CARMIL2: variants seen among roughly 807,000 people sequenced by gnomAD.
CARMIL2 encodes capping protein, Arp2/3 and myosin-I linker protein 2.
In CARMIL2, 96 loss-of-function variants were observed where a neutral mutation model predicts 173.3. The ratio of observed to expected loss-of-function variants is 0.55; its 90% confidence interval spans 0.47 to 0.66. The LOEUF is 0.66. CARMIL2 is among the 30% of genes least tolerant of loss of function. The probability of loss-of-function intolerance (pLI) is 0.00; values close to 1 mark genes in which losing one functional copy is unlikely to be tolerated. For synonymous variants in CARMIL2, 830 were observed against 817.1 expected (o/e 1.02, Z -0.27); for missense variants, 1,771 against 1,906.7 (o/e 0.93, Z 1.33).
rs1243703220 is a variant in CARMIL2, at chr16:67,652,093, C to G, written c.2676+85C>G. 2.4e-5 allele frequency: 39 copies of G among 1,600,438 alleles called. No homozygotes were observed. The South Asian group carries it at 3.5e-4, about 14-fold the overall frequency. ...CTCCCTTGCAGGGGCTCTGTAATGT[C>G]TTCTGGGGTCATGTAGCCCAGGGCT... On this transcript the variant is annotated intron_variant, in intron 26 of 37. Transcript: ENST00000334583. The surrounding 1 kb of genome is among the most constrained non-coding windows in gnomAD (Gnocchi z 4.7).
Position 67,648,121 on chromosome 16 carries a change from C to CT in CARMIL2, c.1142dup (p.Asp382GlyfsTer149). ...GAATCTCGCAGGCACCGACACTGCC[C>CT]TGGACACTGTGAGGGGGTGCTCCGT... On this transcript the variant is annotated frameshift_variant, in exon 14 of 38. Transcript: ENST00000334583. LOFTEE classifies it high-confidence loss of function. The surrounding 1 kb of genome is among the most constrained non-coding windows in gnomAD (Gnocchi z 6.1). The CT allele has an allele frequency of 6.2e-7, 1 of 1,612,942 alleles. No homozygotes were observed. The highest frequency in any genetic ancestry group is 2.2e-5 in the East Asian group (1 of 44,830).
Position 67,657,061 on chromosome 16 carries a change from G to A in CARMIL2, c.4118-178G>A. ...CAGCAAGCCCTTCCAACTAGCACTG[G>A]CTCCACTTCCCGAAGAGCAGCCTCT... is the stretch of plus-strand genomic sequence containing the variant. On this transcript the variant is annotated intron_variant, in intron 36 of 37. Transcript: ENST00000334583. The surrounding 1 kb of genome is among the most constrained non-coding windows in gnomAD (Gnocchi z 4.5). The A allele has an allele frequency of 1.3e-6, 1 of 756,430 alleles. No individual in the cohort carries two copies. Among genetic ancestry groups the A allele is most frequent in the Non-Finnish European group, 2.2e-6 (1 of 459,592 alleles). The allele number at this position is 756,430 out of a possible 1,614,324, so 46.9% of individuals were successfully genotyped here.
rs376709220 is a variant in CARMIL2 at position 67,647,668 on chromosome 16, C to A, written c.872-12C>A. 1.1e-4 allele frequency: 176 copies of A among 1,599,838 alleles called. No individual in the cohort carries two copies. The highest frequency in any genetic ancestry group is 4.9e-5 in the Non-Finnish European group (58 of 1,174,240). ...GGAGGTGAGACCCACGTGGCTGTTC[C>A]CACCCCCCAAGGCATGACTGCACTC... is the stretch of plus-strand genomic sequence containing the variant. On this transcript the variant is annotated splice_polypyrimidine_tract_variant and intron_variant, in intron 11 of 37. Transcript: ENST00000334583.
intron 22 of CARMIL2, chr16:67,650,464 C>G (rs78586794): frequency 7.1e-6 from 3 of 424,760 alleles, no homozygotes; most frequent in Non-Finnish European, 1.3e-5. Flanking sequence ...CTCCCCTCCC[C>G]TCTCCATTGT....
Position 67,645,778 on chromosome 16 carries a change from G to T in CARMIL2, c.186+1G>T. 6.2e-7 allele frequency: 1 copy of T among 1,611,704 alleles called. No individual in the cohort carries two copies. Among genetic ancestry groups the T allele is most frequent in the East Asian group, 2.2e-5 (1 of 44,884 alleles). ...GCACACCACCTGCCTCCCGCTGAGGGTGAGTCCCAGGGCCTGGCCACACCC... is the reference window on the plus strand; with the variant it reads ...GCACACCACCTGCCTCCCGCTGAGGTTGAGTCCCAGGGCCTGGCCACACCC... On this transcript the variant is annotated splice_donor_variant, in intron 3 of 37. Transcript: ENST00000334583. LOFTEE classifies it high-confidence loss of function.
Position 67,657,204 on chromosome 16 carries a change from T to A in CARMIL2, c.4118-35T>A, listed in dbSNP as rs2142962309. On this transcript the variant is annotated intron_variant, in intron 36 of 37. Coordinates refer to ENST00000334583, the MANE Select transcript of CARMIL2 (RefSeq NM_001013838.3). This position sits in a 1 kb window ranked among gnomAD's most constrained non-coding sequence, Gnocchi z 4.5. ...CAGGGGATGGACAGACCCCAAGCCT[T>A]AGCAACCCACCCCAAGCCTTTCTGT... The A allele has an allele frequency of 6.2e-7, 1 of 1,601,998 alleles. No individual in the cohort carries two copies. Among genetic ancestry groups the A allele is most frequent in the East Asian group, 2.2e-5 (1 of 44,460 alleles).
chr16:67,646,989 G>A lies in CARMIL2; in HGVS notation c.611+16G>A, dbSNP rs1393936508. On this transcript the variant is annotated intron_variant, in intron 8 of 37. Coordinates refer to ENST00000334583, the MANE Select transcript of CARMIL2 (RefSeq NM_001013838.3). The surrounding 1 kb of genome is among the most constrained non-coding windows in gnomAD (Gnocchi z 4.6). Reference sequence around the variant, plus strand: ...TCGGCAGTCGGTGTGTGGCCTGCCAGGATGGGAGAGGAGGAAGATCCCGGG... The same window carrying A: ...TCGGCAGTCGGTGTGTGGCCTGCCAAGATGGGAGAGGAGGAAGATCCCGGG... 7 of 1,611,932 alleles carry A rather than the reference G, an allele frequency of 4.3e-6. No individual in the cohort carries two copies. In the East Asian group the frequency reaches 6.7e-5, roughly 15 times the overall value.
chr16:67,655,888 T>C, intron 32 of CARMIL2, 143 bp from the exon 33 acceptor site: 2 of 837,596 alleles, frequency 2.4e-6, no homozygotes, highest in Non-Finnish European at 3.7e-6. Flanking sequence ...CAAAGAGTTC[T>C]AAGAGGGCTG....
Position 67,648,225 on chromosome 16 carries a change from C to T in CARMIL2, c.1245C>T (p.Ser415=), listed in dbSNP as rs2052638257. The T allele has an allele frequency of 1.2e-6, 2 of 1,602,678 alleles. No individual in the cohort carries two copies. The highest frequency in any genetic ancestry group is 8.5e-7 in the Non-Finnish European group (1 of 1,175,968). ...GLGPPAGVAN[S]LPPQLFAAVS... ...GTCCCCCCGCGGGTGTAGCCAACAG[C>T]CTCCCCCCGCAGCTCTTCGCAGCGG... Residue 415 remains serine (S), a synonymous_variant, in exon 14 of 38, where the codon AGC becomes AGT. Transcript: ENST00000334583. This position sits in a 1 kb window ranked among gnomAD's most constrained non-coding sequence, Gnocchi z 6.1.
rs1339976853 is a variant in CARMIL2 at position 67,654,205 on chromosome 16, C to T, written c.3177C>T (p.Gly1059=). 3 of 1,564,990 alleles carry T rather than the reference C, an allele frequency of 1.9e-6. No individual in the cohort carries two copies. Among genetic ancestry groups the T allele is most frequent in the Admixed American group, 1.9e-5 (1 of 53,274 alleles). ...GNGLSARVDE[G]VEEFFSKRLI... is the part of the protein sequence containing the mutation. ...GGCTCAGTGCCCGCGTGGACGAGGGCGTGGAGGAATTCTTCTCCAAAAGGC... is the reference window on the plus strand; with the variant it reads ...GGCTCAGTGCCCGCGTGGACGAGGGTGTGGAGGAATTCTTCTCCAAAAGGC... Residue 1059 remains glycine (G), a synonymous_variant, in exon 30 of 38, where the codon GGC becomes GGT. Coordinates refer to ENST00000334583, the MANE Select transcript of CARMIL2 (RefSeq NM_001013838.3).
chr16:67,655,926 C>T (rs1296689620), intron 32 of CARMIL2, 105 bp from the exon 33 acceptor site: 1 of 1,370,896 alleles, frequency 7.3e-7, no homozygotes, highest in African/African-American at 1.4e-5. Flanking sequence ...TCTTGTCCAG[C>T]CCATGGTGGG....
At position 67,647,706 on chromosome 16, in the gene CARMIL2, G is replaced by A. The variant is rs376677033; in HGVS notation, c.898G>A (p.Glu300Lys). Residue 300 changes from glutamate (E) to lysine (K), a missense_variant, in exon 12 of 38, where the codon GAG (glutamate) becomes AAG (lysine). Transcript: ENST00000334583. ...CATGACTGCACTCAGCAGACACCTC[G>A]AGCGTTGTCCAGGAGCCCTGAGGAG... is the stretch of plus-strand genomic sequence containing the variant. ...RGMTALSRHL[E>K]RCPGALRRLS... 11 of 1,598,900 alleles carry A rather than the reference G, an allele frequency of 6.9e-6. No individual in the cohort carries two copies. The highest frequency in any genetic ancestry group is 1.3e-5 in the African/African-American group (1 of 74,530).
At position 67,645,787 on chromosome 16, in the gene CARMIL2, A is replaced by C. The variant is rs1273451609; in HGVS notation, c.186+10A>C. The C allele has an allele frequency of 6.2e-7, 1 of 1,611,192 alleles. No individual in the cohort carries two copies. ...CTGCCTCCCGCTGAGGGTGAGTCCCAGGGCCTGGCCACACCCCCGCCCGCC... is the reference window on the plus strand; with the variant it reads ...CTGCCTCCCGCTGAGGGTGAGTCCCCGGGCCTGGCCACACCCCCGCCCGCC... On this transcript the variant is annotated intron_variant, in intron 3 of 37. Coordinates refer to ENST00000334583, the MANE Select transcript of CARMIL2 (RefSeq NM_001013838.3).
rs115973066 is a variant in CARMIL2 at position 67,655,616 on chromosome 16, C to T, written c.3706-415C>T. 3.8e-3 allele frequency among the ~76,000 whole-genome samples: 584 copies of T among 152,228 alleles called. 6 individuals carry two copies. The highest frequency in any genetic ancestry group is 0.013 in the African/African-American group (537 of 41,540). Reference sequence around the variant, plus strand: ...TGGTGCAAATCAGAGCCTCCACACACGTCCCTGGGTGGTCTGGATGTCCTC... The same window carrying T: ...TGGTGCAAATCAGAGCCTCCACACATGTCCCTGGGTGGTCTGGATGTCCTC... On this transcript the variant is annotated intron_variant, in intron 32 of 37. Coordinates refer to ENST00000334583, the MANE Select transcript of CARMIL2 (RefSeq NM_001013838.3).
rs1471748418 is a variant in CARMIL2 at position 67,654,678 on chromosome 16, G to C, written c.3568G>C (p.Ala1190Pro). The C allele has an allele frequency of 1.3e-6, 2 of 1,591,166 alleles. No homozygotes were observed. The highest frequency in any genetic ancestry group is 1.7e-5 in the Admixed American group (1 of 58,042). ...TGCCGAGGAGGAGGCAACGCTGGGT[G>C]CCAGACCCGACAAGGTGAGGCTTGC... ...LPAEEEATLG[A>P]RPDKRRPLER... Residue 1190 changes from alanine to proline, a missense_variant, in exon 31 of 38, where the codon GCC (alanine) becomes CCC (proline). Physicochemically the swap from Ala to Pro is conservative, Grantham distance 27. Around this residue, in one of 3 missense-constraint regions of CARMIL2, gnomAD observed 817 missense variants for 903.5 expected, o/e 0.90. Coordinates refer to ENST00000334583, the MANE Select transcript of CARMIL2 (RefSeq NM_001013838.3).
At chr16:67,655,009 TCTA>T in intron 32 of CARMIL2, 109 bp downstream of exon 32, 2 of 1,377,434 alleles carry the variant, frequency 1.5e-6, no homozygotes, top group South Asian at 1.4e-5. Context: ...AATTGTCAGT[TCTA>T]CTCCATTCTC....
chr16:67,654,608 T>G lies in CARMIL2; in HGVS notation c.3498T>G (p.Pro1166=). The G allele has an allele frequency of 6.2e-7, 1 of 1,604,400 alleles. No individual in the cohort carries two copies. The highest frequency in any genetic ancestry group is 8.5e-7 in the Non-Finnish European group (1 of 1,175,058). The change falls in exon 31 of 38, where the codon CCT becomes CCG. Residue 1166 remains proline, a synonymous_variant. Coordinates refer to ENST00000334583, the MANE Select transcript of CARMIL2 (RefSeq NM_001013838.3). ...CTGACCCTGCCGGCAGGAGCCGACC[T>G]CGCTACACAAGAGATAGCAAGGCCT... The part of the protein sequence containing the change: ...SSPDPAGRSR[P]RYTRDSKAYS...
chr16:67,647,429 G>A (rs756672433), intron 10 of CARMIL2, 42 bp downstream of exon 10: 1 of 1,558,834 alleles, frequency 6.4e-7, no homozygotes, highest in Non-Finnish European at 8.7e-7. Context: ...GAGTCTGGAG[G>A]CTTGGGACTG....
At position 67,652,916 on chromosome 16, in the gene CARMIL2, G is replaced by A; in HGVS notation, c.2885-103G>A. ...GGGCGGGGGGACGGGCGGCGTAGCC[G>A]GGCCCCTCCCCGCGCCCTGGGCGGG... On this transcript the variant is annotated intron_variant, in intron 28 of 37. Transcript: ENST00000334583. This position sits in a 1 kb window ranked among gnomAD's most constrained non-coding sequence, Gnocchi z 4.7. 6.2e-6 allele frequency: 2 copies of A among 323,116 alleles called. No homozygotes were observed. Among genetic ancestry groups the A allele is most frequent in the Non-Finnish European group, 9.8e-6 (2 of 203,122 alleles). 20.0% of individuals were successfully genotyped at this position (323,116 alleles called of 1,614,324 possible).
Sources: gnomAD v4.1 joint callset for allele counts (sites outside exome capture counted in the v4.1 genomes callset) on GRCh38, gnomAD v4.1.1 for gene constraint, gnomAD v4.1.1 regional missense constraint, Gnocchi (gnomAD v3.1) non-coding constraint, MANE v1.5 for transcripts, NCBI Gene and HGNC (gene_info 2026-07-23, HGNC 2026-07-21) for gene names.